Variants in SLC15A5 observed in about 807,000 individuals in gnomAD.
SLC15A5 encodes the protein solute carrier family 15 member 5.
Under a neutral mutation model 56.1 loss-of-function variants are expected in SLC15A5, and 58 were observed. The ratio of observed to expected loss-of-function variants is 1.03; its 90% CI spans 0.84 to 1.29. SLC15A5 has a LOEUF of 1.29. Ranked by LOEUF, SLC15A5 falls within the 50% of genes most tolerant of loss-of-function variation. The pLI is 0.00. For synonymous variants in SLC15A5, 264 were observed against 250.5 expected, an observed-to-expected ratio of 1.05 and a Z score of -0.51; for missense variants, 681 against 672.1, an observed-to-expected ratio of 1.01 and a Z score of -0.15.
rs111246256 is a variant in SLC15A5 at position 16,262,201 on chromosome 12, G to A, written c.585-4331C>T. On this transcript the variant is annotated intron_variant, in intron 2 of 8. Transcript: ENST00000344941. ...CATCATCCTGGTACAGGGCTAATTC[G>A]GCTAAATATCCTGTTAATACTTCTT... 1.8e-3 allele frequency among the ~76,000 whole-genome samples: 273 copies of A among 152,218 alleles called. 2 individuals are homozygous for A. Among genetic ancestry groups the A allele is most frequent in the Non-Finnish European group, 3.1e-3 (214 of 68,006 alleles).
At chr12:16,202,255 A>T (rs546720954) in intron 7 of SLC15A5, among the ~76,000 whole-genome samples, 103 of 152,306 alleles carry the variant, frequency 6.8e-4, no homozygotes, top group African/African-American at 2.3e-3. Flanking sequence ...TCAGTAAGAA[A>T]AAACCCAAAT....
At chr12:16,202,827 A>G (rs989578384) in intron 7 of SLC15A5, among the ~76,000 whole-genome samples, 2 of 152,198 alleles carry the variant, frequency 1.3e-5, no homozygotes, top group African/African-American at 2.4e-5. Context: ...GGATGAATCT[A>G]GAGTACATTA....
chr12:16,248,317 A>T (rs1003971417), intron 3 of SLC15A5, among the ~76,000 whole-genome samples: 8 of 152,134 alleles, frequency 5.3e-5, no homozygotes, highest in Non-Finnish European at 1.2e-4. Context: ...CCATGAGTCC[A>T]GAGATTAGTT....
intron 7 of SLC15A5, among the ~76,000 whole-genome samples, chr12:16,197,427 G>C (rs907233084): frequency 1.2e-5 from 1 of 85,132 alleles, no homozygotes; most frequent in Admixed American, 1.5e-4. Context: ...GGTATAAAAA[G>C]ATATAGAAAG....
chr12:16,204,037 G>A (rs1464041773), intron 7 of SLC15A5, among the ~76,000 whole-genome samples: 13 of 152,122 alleles, frequency 8.5e-5, no homozygotes. Context: ...AAACCTTACT[G>A]AACTCAATTT....
chr12:16,198,329 T>C (rs1405517), intron 7 of SLC15A5, among the ~76,000 whole-genome samples: 9 of 152,126 alleles, frequency 5.9e-5, no homozygotes, highest in Admixed American at 2.0e-4. Flanking sequence ...ACAGGCAAAG[T>C]GTAATTATTC....
chr12:16,247,741 A>G (rs549565994), intron 3 of SLC15A5, among the ~76,000 whole-genome samples: 1 of 152,246 alleles, frequency 6.6e-6, no homozygotes, highest in African/African-American at 2.4e-5. Flanking sequence ...TTGCGGGGAG[A>G]TGAGGTCTAG....
At chr12:16,251,112 A>G (rs1450110528) in intron 3 of SLC15A5, among the ~76,000 whole-genome samples, 1 of 152,022 alleles carries the variant, frequency 6.6e-6, no homozygotes, top group African/African-American at 2.4e-5. Context: ...AGAAATCACA[A>G]GGGAATTTAG....
chr12:16,194,971 A>G (rs1053720598), intron 7 of SLC15A5, among the ~76,000 whole-genome samples: 1 of 152,076 alleles, frequency 6.6e-6, no homozygotes, highest in African/African-American at 2.4e-5. Flanking sequence ...CTACCTTATG[A>G]TAATATCACA....
chr12:16,218,030 C>T (rs1245886495), intron 6 of SLC15A5, among the ~76,000 whole-genome samples: 2 of 151,756 alleles, frequency 1.3e-5, no homozygotes, highest in South Asian at 2.1e-4. Context: ...ACAATCTTAG[C>T]GATATGTGTT....
chr12:16,197,004 G>C (rs1592106312), intron 7 of SLC15A5, among the ~76,000 whole-genome samples: 1 of 151,596 alleles, frequency 6.6e-6, no homozygotes, highest in East Asian at 1.9e-4. Flanking sequence ...CAGGAGAGAA[G>C]GACATTTGTA....
intron 7 of SLC15A5, among the ~76,000 whole-genome samples, chr12:16,213,016 T>C (rs1264474542): frequency 2.0e-5 from 3 of 151,996 alleles, no homozygotes; most frequent in Non-Finnish European, 4.4e-5. Flanking sequence ...GCAAAATCTC[T>C]GTTGGCATTC....
At chr12:16,231,371 A>C (rs994682880) in intron 5 of SLC15A5, among the ~76,000 whole-genome samples, 2 of 152,200 alleles carry the variant, frequency 1.3e-5, no homozygotes, top group African/African-American at 4.8e-5. Context: ...TGGTGGACAA[A>C]AATTGAAAAA....
chr12:16,219,919 T>G (rs541266347), intron 6 of SLC15A5, among the ~76,000 whole-genome samples: 18 of 152,258 alleles, frequency 1.2e-4, no homozygotes, highest in African/African-American at 4.1e-4. Context: ...GCTAAAAATG[T>G]GCCTCCAGGT....
intron 2 of SLC15A5, among the ~76,000 whole-genome samples, chr12:16,258,735 G>C (rs1864605390): frequency 6.6e-6 from 1 of 152,084 alleles, no homozygotes; most frequent in Admixed American, 6.5e-5. Context: ...GGGCTTATGT[G>C]ATTAGATGAG....
chr12:16,239,926 A>T lies in SLC15A5; in HGVS notation c.976-59T>A, dbSNP rs959785781. ...ACAGGGGTTTAACTTTGAAGAAAGC[A>T]TCGTCCACCAGAGGCCTACCCTCTT... On this transcript the variant is annotated intron_variant, in intron 4 of 8. Coordinates refer to ENST00000344941, the MANE Select transcript of SLC15A5 (RefSeq NM_001170798.1). The T allele has an allele frequency of 3.5e-6, 5 of 1,441,808 alleles. No individual in the cohort carries two copies. The African/African-American group carries it at 7.1e-5, about 20-fold the overall frequency. 89.3% of individuals were successfully genotyped at this position (1,441,808 alleles called of 1,614,324 possible).
intron 8 of SLC15A5, among the ~76,000 whole-genome samples, chr12:16,190,738 A>G (rs973227469): frequency 6.6e-6 from 1 of 152,144 alleles, no homozygotes; most frequent in African/African-American, 2.4e-5. Flanking sequence ...GTACATTACT[A>G]AAAATAACTG....
Position 16,244,590 on chromosome 12 carries a change from C to T in SLC15A5, c.965G>A (p.Cys322Tyr). The part of the protein sequence containing the change: ...LFIFQLLYRM[C>Y]IMQIPSGYYL... ...ATCGCCTGTCCTTACCTGCATAATG[C>T]ACATTCTGTATAGGAGCTGAAAAAT... The change falls in exon 4 of 9, where the codon TGC (cysteine) becomes TAC (tyrosine). Residue 322 changes from cysteine to tyrosine, a missense_variant. Physicochemically the swap from Cys to Tyr is radical, Grantham distance 194. Transcript: ENST00000344941. 1 of 1,537,594 alleles carries T rather than the reference C, an allele frequency of 6.5e-7. No individual in the cohort carries two copies. Among genetic ancestry groups the T allele is most frequent in the Non-Finnish European group, 8.7e-7 (1 of 1,146,986 alleles).
At chr12:16,215,682 G>A (rs1052823384) in intron 7 of SLC15A5, among the ~76,000 whole-genome samples, 4 of 152,166 alleles carry the variant, frequency 2.6e-5, no homozygotes, top group Admixed American at 6.5e-5. Context: ...GTAGCACACG[G>A]CCTGGTACAC....
Sources: allele counts gnomAD v4.1 joint callset (sites outside exome capture counted in the v4.1 genomes callset), GRCh38; gene constraint gnomAD v4.1.1; transcripts MANE v1.5; gene names NCBI Gene and HGNC (gene_info 2026-07-23, HGNC 2026-07-21).